RNGTT: variants seen among roughly 807,000 people sequenced by gnomAD.
RNGTT encodes the protein mRNA-capping enzyme.
RNGTT carries 33 observed loss-of-function variants against 79.3 expected under a neutral mutation model. The ratio of observed to expected loss-of-function variants is 0.42; its 90% CI spans 0.32 to 0.56. RNGTT has a LOEUF of 0.56. Among genes scored for constraint, RNGTT ranks in the 20% least tolerant of loss-of-function variants. RNGTT has a pLI of 0.17. For synonymous variants in RNGTT, 222 were observed against 235.9 expected, an observed-to-expected ratio of 0.94 and a Z score of 0.54; for missense variants, 497 against 739.1, an observed-to-expected ratio of 0.67 and a Z score of 3.80.
intron 4 of RNGTT, among the ~76,000 whole-genome samples, chr6:88,913,677 C>A (rs1783907846): frequency 1.3e-5 from 2 of 152,110 alleles, no homozygotes; most frequent in African/African-American, 4.8e-5. Flanking sequence ...GATAATAATC[C>A]TAAACAAACT....
At chr6:88,685,634 A>C (rs1317808537) in intron 13 of RNGTT, among the ~76,000 whole-genome samples, 1 of 152,054 alleles carries the variant, frequency 6.6e-6, no homozygotes, top group Non-Finnish European at 1.5e-5. Context: ...GGTTTATTCT[A>C]AAAATCATTT....
At position 88,728,689 on chromosome 6, in the gene RNGTT, C is replaced by T. The variant is rs563262330; in HGVS notation, c.1439+41085G>A. 7.2e-5 allele frequency among the ~76,000 whole-genome samples: 11 copies of T among 152,190 alleles called. No individual in the cohort carries two copies. In the East Asian group the frequency reaches 1.9e-3, roughly 27 times the overall value. ...GGGGGCTGAGGTTTCAGGGACAGAC[C>T]CTATTAGATTCTTTGAAATGTGTTT... On this transcript the variant is annotated intron_variant, in intron 13 of 15. Transcript: ENST00000369485.
intron 11 of RNGTT, among the ~76,000 whole-genome samples, chr6:88,822,132 T>G (rs1479880460): frequency 6.6e-6 from 1 of 152,114 alleles, no homozygotes; most frequent in Non-Finnish European, 1.5e-5. Flanking sequence ...TGGCAAAACT[T>G]AGAAAATCCA....
intron 2 of RNGTT, among the ~76,000 whole-genome samples, chr6:88,929,993 TATAC>T (rs1784447990): frequency 6.8e-6 from 1 of 146,692 alleles, no homozygotes; most frequent in Non-Finnish European, 1.5e-5. Flanking sequence ...CATATACATG[TATAC>T]ATATATACAT....
In RNGTT at chr6:88,929,017, C is replaced by G. The variant is rs142870362; in HGVS notation, c.335G>C (p.Arg112Pro). The G allele has an allele frequency of 9.9e-6, 16 of 1,612,158 alleles. No homozygotes were observed. Among genetic ancestry groups the G allele is most frequent in the Non-Finnish European group, 1.4e-5 (16 of 1,179,098 alleles). The change falls in exon 4 of 16, where the codon CGG (arginine) becomes CCG (proline). Residue 112 changes from arginine to proline, a missense_variant. Physicochemically the swap from Arg to Pro is moderately radical, Grantham distance 103. Coordinates refer to ENST00000369485, the MANE Select transcript of RNGTT (RefSeq NM_003800.5). ...NTETFIRLCERFNERNPPELI... is the reference protein window; with the variant it reads ...NTETFIRLCEPFNERNPPELI... ...TTCAGGTGGATTTCTTTCATTAAAC[C>G]GCTCACACAGACGAATAAAGGTCTC...
At chr6:88,653,343 T>G (rs926693602) in intron 14 of RNGTT, among the ~76,000 whole-genome samples, 2 of 152,190 alleles carry the variant, frequency 1.3e-5, no homozygotes, top group Non-Finnish European at 2.9e-5. Context: ...GTATAATGTT[T>G]TAAAAAACAC....
At chr6:88,737,385 T>C (rs1435591851) in intron 13 of RNGTT, among the ~76,000 whole-genome samples, 1 of 152,136 alleles carries the variant, frequency 6.6e-6, no homozygotes, top group Non-Finnish European at 1.5e-5. Context: ...TAGATGAGAC[T>C]TTGAACTTTA....
chr6:88,810,853 G>A (rs1780115074), intron 11 of RNGTT, among the ~76,000 whole-genome samples: 1 of 152,212 alleles, frequency 6.6e-6, no homozygotes, highest in Admixed American at 6.5e-5. Flanking sequence ...GTGTTCATGA[G>A]ATAGATATTT....
intron 14 of RNGTT, among the ~76,000 whole-genome samples, chr6:88,666,578 C>T (rs577261222): frequency 2.8e-4 from 43 of 152,302 alleles, no homozygotes; most frequent in African/African-American, 1.0e-3. Flanking sequence ...TAACAATGAA[C>T]CCCGCCACTG....
intron 13 of RNGTT, among the ~76,000 whole-genome samples, chr6:88,718,726 A>G (rs1175407758): frequency 6.6e-6 from 1 of 152,108 alleles, no homozygotes; most frequent in African/African-American, 2.4e-5. Context: ...ACATTTCTGT[A>G]TATGCTTAAA....
At chr6:88,709,946 T>C (rs1776264053) in intron 13 of RNGTT, among the ~76,000 whole-genome samples, 1 of 152,200 alleles carries the variant, frequency 6.6e-6, no homozygotes, top group African/African-American at 2.4e-5. Context: ...AAACTGTAAG[T>C]AGTGTATTGT....
chr6:88,899,455 T>G (rs916902208), intron 6 of RNGTT, among the ~76,000 whole-genome samples: 1 of 152,092 alleles, frequency 6.6e-6, no homozygotes, highest in Non-Finnish European at 1.5e-5. Context: ...TTTTTTAATT[T>G]TTTGTAGATA....
intron 13 of RNGTT, among the ~76,000 whole-genome samples, chr6:88,767,608 T>C (rs1778503008): frequency 6.9e-6 from 1 of 144,952 alleles, no homozygotes; most frequent in Non-Finnish European, 1.5e-5. Context: ...GATTTAGTAA[T>C]GAAGCAGTTT....
At chr6:88,627,070 T>C (rs1772661453) in intron 14 of RNGTT, among the ~76,000 whole-genome samples, 1 of 152,068 alleles carries the variant, frequency 6.6e-6, no homozygotes, top group Non-Finnish European at 1.5e-5. Flanking sequence ...AAAAATGCAA[T>C]ATGCATGTCT....
chr6:88,867,946 G>A (rs1415112119), intron 8 of RNGTT, among the ~76,000 whole-genome samples: 1 of 152,152 alleles, frequency 6.6e-6, no homozygotes, highest in Non-Finnish European at 1.5e-5. Context: ...AATTACTATA[G>A]GGTTTTCCTG....
intron 10 of RNGTT, among the ~76,000 whole-genome samples, chr6:88,844,866 T>C (rs1212860007): frequency 6.6e-6 from 1 of 151,930 alleles, no homozygotes; most frequent in Non-Finnish European, 1.5e-5. Flanking sequence ...GGCAGGAGGA[T>C]CACATGAGCC....
chr6:88,859,662 G>A (rs1397995700), intron 8 of RNGTT, among the ~76,000 whole-genome samples: 1 of 152,206 alleles, frequency 6.6e-6, no homozygotes, highest in African/African-American at 2.4e-5. Flanking sequence ...TATCTACCTA[G>A]GATGCCTTGC....
chr6:88,880,299 A>T lies in RNGTT; in HGVS notation c.896+10196T>A, dbSNP rs188223941. ...ATAAACCTGTCTATAATTTCCTTCAAGAAGTATTATACAAATGTACCTCAC... is the reference window on the plus strand; with the variant it reads ...ATAAACCTGTCTATAATTTCCTTCATGAAGTATTATACAAATGTACCTCAC... On this transcript the variant is annotated intron_variant, in intron 8 of 15. Coordinates refer to ENST00000369485, the MANE Select transcript of RNGTT (RefSeq NM_003800.5). Among the ~76,000 whole-genome samples, 277 of 152,332 alleles carry T rather than the reference A, an allele frequency of 1.8e-3. 3 individuals carry two copies. Among genetic ancestry groups the T allele is most frequent in the African/African-American group, 6.5e-3 (271 of 41,574 alleles).
intron 13 of RNGTT, among the ~76,000 whole-genome samples, chr6:88,754,683 G>T (rs1777948434): frequency 1.3e-5 from 2 of 152,188 alleles, no homozygotes; most frequent in African/African-American, 2.4e-5. Flanking sequence ...AAGGCTGTGG[G>T]TTTACTGGAA....
Sources: gnomAD v4.1 joint callset for allele counts (sites outside exome capture counted in the v4.1 genomes callset) on GRCh38, gnomAD v4.1.1 for gene constraint, MANE v1.5 for transcripts, NCBI Gene and HGNC (gene_info 2026-07-23, HGNC 2026-07-21) for gene names.